The following HELZ variants were observed in gnomAD, a reference collection of about 807,000 sequenced individuals.
HELZ encodes ATP-dependent RNA helicase with zinc finger domain.
A neutral mutation model predicts 218.2 loss-of-function variants in HELZ; 23 were observed. The ratio of observed to expected loss-of-function variants is 0.11; its 90% CI spans 0.08 to 0.15. The LOEUF (loss-of-function observed/expected upper bound fraction) is 0.15. HELZ is among the 10% of genes least tolerant of loss of function. The pLI is 1.00. For missense variants in HELZ, 1,813 were observed against 2,353.7 expected, an observed-to-expected ratio of 0.77 and a Z score of 4.75; for synonymous variants, 814 against 829.4, an observed-to-expected ratio of 0.98 and a Z score of 0.32.
At chr17:67,211,537 T>C (rs1206793377) in intron 5 of HELZ, among the ~76,000 whole-genome samples, 2 of 152,182 alleles carry the variant, frequency 1.3e-5, no homozygotes, top group Non-Finnish European at 2.9e-5. Context: ...TACTCTACTT[T>C]CCTGTGTGTC....
At chr17:67,236,739 A>T (rs2041195594) in intron 3 of HELZ, among the ~76,000 whole-genome samples, 1 of 150,018 alleles carries the variant, frequency 6.7e-6, no homozygotes, top group African/African-American at 2.4e-5. Flanking sequence ...GTCTTAGGAT[A>T]ATAACCCAAC....
At chr17:67,111,665 A>G (rs975056495) in intron 28 of HELZ, among the ~76,000 whole-genome samples, 3 of 152,164 alleles carry the variant, frequency 2.0e-5, no homozygotes, top group East Asian at 1.9e-4. Context: ...AATTTGGCCA[A>G]TTTTAGGCCC....
At chr17:67,241,180 C>T (rs1455943955) in intron 2 of HELZ, among the ~76,000 whole-genome samples, 2 of 152,176 alleles carry the variant, frequency 1.3e-5, no homozygotes, top group African/African-American at 2.4e-5. Flanking sequence ...ACTTAGAAAT[C>T]CAATTACATC....
In HELZ at chr17:67,076,240, A is replaced by T. The variant is rs1175905283; in HGVS notation, c.*2012T>A. 6.6e-6 allele frequency: 1 copy of T among 152,204 alleles called. No homozygotes were observed. Among genetic ancestry groups the T allele is most frequent in the African/African-American group, 2.4e-5 (1 of 41,428 alleles). 9.4% of individuals were successfully genotyped at this position (152,204 alleles called of 1,614,324 possible). On this transcript the variant is annotated 3_prime_UTR_variant, in exon 33 of 33. Transcript: ENST00000358691. ...TCCATAACATCCTCACATCAGAGAG[A>T]TCTAATTTTCATTCGGATATGTCTT...
At chr17:67,145,097 C>T (rs2038452558) in intron 21 of HELZ, among the ~76,000 whole-genome samples, 3 of 152,062 alleles carry the variant, frequency 2.0e-5, no homozygotes, top group East Asian at 1.9e-4. Flanking sequence ...AGAGCCATGC[C>T]GCCCCTAATG....
rs1404469411 is a variant in HELZ, at chr17:67,074,439, A to C, written c.*3813T>G. On this transcript the variant is annotated 3_prime_UTR_variant, in exon 33 of 33. Transcript: ENST00000358691. ...TTTAAATGAGTATTTCAGTAAGTCT[A>C]ATTTTCTTAATAACAATGGTTGAAA... 1 of 152,188 alleles carries C rather than the reference A, an allele frequency of 6.6e-6. No individual in the cohort carries two copies. The highest frequency in any genetic ancestry group is 1.5e-5 in the Non-Finnish European group (1 of 68,006). The allele number at this position is 152,188 out of a possible 1,614,324, so 9.4% of individuals were successfully genotyped here.
rs925515698 is a variant in HELZ, at chr17:67,128,805, T to C, written c.3233A>G (p.His1078Arg). The C allele has an allele frequency of 2.5e-6, 4 of 1,614,044 alleles. No individual in the cohort carries two copies. The highest frequency in any genetic ancestry group is 1.1e-5 in the South Asian group (1 of 91,088). Reference sequence around the variant, plus strand: ...TTTGATCTGTTCAAAAGTGATTCCATGTAGGCTACTGTTTTCATGACACAG... The same window carrying C: ...TTTGATCTGTTCAAAAGTGATTCCACGTAGGCTACTGTTTTCATGACACAG... Reference protein sequence around the residue: ...IALCHENSSLHGITFEQIKAQ... With the variant: ...IALCHENSSLRGITFEQIKAQ... Residue 1078 changes from histidine (H) to arginine (R), a missense_variant, in exon 24 of 33, where the codon CAT (histidine) becomes CGT (arginine). Coordinates refer to ENST00000358691, the MANE Select transcript of HELZ (RefSeq NM_014877.4).
intron 32 of HELZ, among the ~76,000 whole-genome samples, chr17:67,079,054 T>C (rs1040598071): frequency 1.3e-5 from 2 of 152,206 alleles, no homozygotes; most frequent in Non-Finnish European, 2.9e-5. Context: ...TTGTATTATA[T>C]ACTGAGTAAC....
intron 13 of HELZ, among the ~76,000 whole-genome samples, chr17:67,178,138 T>C (rs558809794): frequency 5.6e-4 from 86 of 152,336 alleles, no homozygotes; most frequent in African/African-American, 2.1e-3. Context: ...AAGCTTTTGA[T>C]TTAAGCACTT....
intron 21 of HELZ, among the ~76,000 whole-genome samples, chr17:67,144,473 C>T (rs3952344): frequency 0.53 from 78,973 of 149,038 alleles, 21,451 homozygotes; most frequent in East Asian, 0.88. Flanking sequence ...TCTTTTAATA[C>T]GAACAAATAT....
chr17:67,176,184 T>G (rs555279437), intron 13 of HELZ: 1 of 152,336 alleles, frequency 6.6e-6, no homozygotes, highest in East Asian at 1.9e-4. Flanking sequence ...CAGAACATTT[T>G]GCTTTCATTC....
upstream of HELZ, chr17:67,245,323 C>G: frequency 7.9e-6 from 6 of 758,884 alleles, no homozygotes; most frequent in Non-Finnish European, 9.6e-6. Context: ...GGTGGACTGC[C>G]GACCCCGGCG....
rs1442962153 is a variant in HELZ at position 67,188,328 on chromosome 17, A to G, written c.1153T>C (p.Ser385Pro). 4.4e-6 allele frequency: 7 copies of G among 1,608,450 alleles called. No homozygotes were observed. The Admixed American group carries it at 5.0e-5, about 12-fold the overall frequency. The change falls in exon 12 of 33, where the codon TCT (serine) becomes CCT (proline). Residue 385 changes from serine to proline, a missense_variant. This residue lies in a region of HELZ where 714 missense variants were observed against 1,029.2 expected (regional missense o/e 0.69). Transcript: ENST00000358691. This position sits in a 1 kb window ranked among gnomAD's most constrained non-coding sequence, Gnocchi z 4.1. ...LMQRVMIDAA[S>P]TEDLEYLMHA... Reference sequence around the variant, plus strand: ...AAAGTCTAAATATTACCTTCTGTAGAAGCTGCATCAATCATTACTCTTTGC... The same window carrying G: ...AAAGTCTAAATATTACCTTCTGTAGGAGCTGCATCAATCATTACTCTTTGC...
chr17:67,100,169 T>C (rs902461208), intron 31 of HELZ, among the ~76,000 whole-genome samples: 2 of 152,088 alleles, frequency 1.3e-5, no homozygotes, highest in Non-Finnish European at 1.5e-5. Flanking sequence ...AAAAGAGAAA[T>C]TGGGGGAGTC....
intron 24 of HELZ, among the ~76,000 whole-genome samples, chr17:67,127,305 C>A (rs934420312): frequency 2.4e-4 from 37 of 152,168 alleles, no homozygotes; most frequent in African/African-American, 8.9e-4. Context: ...ATAGAAGTAA[C>A]TTAACTGATA....
chr17:67,112,528 T>C (rs138446215), intron 28 of HELZ, among the ~76,000 whole-genome samples: 55 of 152,334 alleles, frequency 3.6e-4, no homozygotes, highest in African/African-American at 1.3e-3. Context: ...GGAGGTTCCC[T>C]TGGCTGCCTC....
At chr17:67,156,850 GA>G (rs1356282355) in intron 17 of HELZ, among the ~76,000 whole-genome samples, 2 of 152,212 alleles carry the variant, frequency 1.3e-5, no homozygotes, top group African/African-American at 4.8e-5. Context: ...ATATAGTATG[GA>G]TATTTGTTCC....
chr17:67,149,415 T>TA (rs1045164755), intron 19 of HELZ, among the ~76,000 whole-genome samples: 23 of 152,280 alleles, frequency 1.5e-4, no homozygotes, highest in African/African-American at 5.5e-4. Flanking sequence ...TTCAAATATA[T>TA]AAAATCACAC....
chr17:67,146,028 T>C, intron 20 of HELZ, 138 bp from the exon 21 acceptor site: 1 of 720,914 alleles, frequency 1.4e-6, no homozygotes, highest in Non-Finnish European at 2.3e-6. Flanking sequence ...ATCTAATACT[T>C]GTGATACCAA....
Sources: gnomAD v4.1 joint callset for allele counts (sites outside exome capture counted in the v4.1 genomes callset) on GRCh38, gnomAD v4.1.1 for gene constraint, gnomAD v4.1.1 regional missense constraint, Gnocchi (gnomAD v3.1) non-coding constraint, MANE v1.5 for transcripts, NCBI Gene and HGNC (gene_info 2026-07-23, HGNC 2026-07-21) for gene names.